The following SASH1 variants were observed in gnomAD, a reference collection of about 807,000 sequenced individuals.
SASH1 encodes the protein SAM and SH3 domain containing 1.
A neutral mutation model predicts 125.2 loss-of-function variants in SASH1; 44 were observed. The observed-to-expected ratio is 0.35, with a 90% CI of 0.28 to 0.45. The LOEUF is 0.45. Among genes scored for constraint, SASH1 ranks in the 20% least tolerant of loss-of-function variants. The pLI is 1.00. For missense variants in SASH1, 1,426 were observed against 1,614.5 expected (o/e 0.88, Z 2.00); for synonymous variants, 639 against 649.1 (o/e 0.98, Z 0.24).
chr6:148,498,240 A>C (rs1317054794), intron 8 of SASH1, among the ~76,000 whole-genome samples: 1 of 148,974 alleles, frequency 6.7e-6, no homozygotes, highest in Non-Finnish European at 1.5e-5. Flanking sequence ...CAAACAAAAA[A>C]AAAAAAACAA....
At chr6:148,434,352 G>A (rs866260779) in intron 2 of SASH1, among the ~76,000 whole-genome samples, 5 of 152,120 alleles carry the variant, frequency 3.3e-5, no homozygotes, top group Non-Finnish European at 7.4e-5. Flanking sequence ...TGGGATTACA[G>A]GCATGAGCCA....
chr6:148,423,272 C>T (rs11754081), intron 2 of SASH1, among the ~76,000 whole-genome samples: 20,058 of 152,266 alleles, frequency 0.13, 1,453 homozygotes, highest in South Asian at 0.3. Context: ...CATTATACAA[C>T]ATGACTAAGT....
chr6:148,375,297 A>G (rs1463712615), intron 1 of SASH1, among the ~76,000 whole-genome samples: 3 of 152,082 alleles, frequency 2.0e-5, no homozygotes. Context: ...TGGCCACAAC[A>G]TGATGTTGTG....
At chr6:148,470,566 C>T (rs940359480) in intron 5 of SASH1, among the ~76,000 whole-genome samples, 4 of 152,238 alleles carry the variant, frequency 2.6e-5, no homozygotes, top group African/African-American at 4.8e-5. Context: ...TCTCCCCTTT[C>T]GCTTTGCTTT....
At chr6:148,509,586 A>G (rs188648775) in intron 8 of SASH1, among the ~76,000 whole-genome samples, 2 of 152,272 alleles carry the variant, frequency 1.3e-5, no homozygotes, top group African/African-American at 4.8e-5. Context: ...AATTGGTTTT[A>G]ACCTTTATTA....
At chr6:148,349,241 CTTCT>C (rs1221031006) in intron 1 of SASH1, among the ~76,000 whole-genome samples, 1,725 of 86,958 alleles carry the variant, frequency 0.02, 65 homozygotes, top group East Asian at 0.089. Context: ...TTCATTCTTT[CTTCT>C]TTCTTTCTTT....
intron 1 of SASH1, among the ~76,000 whole-genome samples, chr6:148,292,772 C>G (rs538412262): frequency 6.6e-6 from 1 of 152,078 alleles, no homozygotes; most frequent in Non-Finnish European, 1.5e-5. Context: ...GAATCAGGGC[C>G]GGGAACAGTG....
At chr6:148,215,510 G>A in the SASH1 span, among the ~76,000 whole-genome samples, 1 of 152,112 alleles carries the variant, frequency 6.6e-6, no homozygotes, top group Non-Finnish European at 1.5e-5. Context: ...CTTCTGTTTG[G>A]GATGGGTGCT....
At chr6:148,242,960 C>A in the SASH1 span, among the ~76,000 whole-genome samples, 6 of 152,072 alleles carry the variant, frequency 3.9e-5, no homozygotes, top group East Asian at 1.2e-3. Context: ...TGGTATAAAT[C>A]CCATAGGTTG....
intron 1 of SASH1, among the ~76,000 whole-genome samples, chr6:148,348,932 C>G (rs1167142721): frequency 6.6e-6 from 1 of 152,226 alleles, no homozygotes; most frequent in East Asian, 1.9e-4. Context: ...CGGTAGGATC[C>G]CTTCACTCAG....
rs537849401 is a variant in SASH1, at chr6:148,317,356, G to T, written n.74+44979G>T. 7.9e-5 allele frequency among the ~76,000 whole-genome samples: 12 copies of T among 152,290 alleles called. No homozygotes were observed. In the South Asian group the frequency reaches 2.3e-3, roughly 29 times the overall value. On this transcript the variant is annotated intron_variant and non_coding_transcript_variant, in intron 1 of 3. Coordinates refer to the SASH1 transcript ENST00000367469. The stretch of plus-strand genomic sequence containing the variant: ...CCAGGAAAGTTAAACACTATGGGTG[G>T]ATCAAAAGAAGTGGTTCCTGAATAT...
At chr6:148,240,501 G>A in the SASH1 span, among the ~76,000 whole-genome samples, 1 of 152,182 alleles carries the variant, frequency 6.6e-6, no homozygotes. Flanking sequence ...TCCCCCTACA[G>A]TTATAATAAC....
Position 148,399,299 on chromosome 6 carries a change from C to T in SASH1, c.285+9037C>T, listed in dbSNP as rs138302722. ...GTGGCGTGATCTCGGCTCACTGGAA[C>T]CTCCACCTCCCGGGTTCAAGTGATT... On this transcript the variant is annotated intron_variant, in intron 2 of 19. Transcript: ENST00000367467. Among the ~76,000 whole-genome samples, 9 of 146,368 alleles carry T rather than the reference C, an allele frequency of 6.1e-5. No individual in the cohort carries two copies. In the East Asian group the frequency reaches 1.8e-3, roughly 30 times the overall value.
At chr6:148,357,129 T>G (rs547092421) in intron 1 of SASH1, among the ~76,000 whole-genome samples, 4 of 152,356 alleles carry the variant, frequency 2.6e-5, no homozygotes, top group Non-Finnish European at 5.9e-5. Context: ...TCCCACTCTG[T>G]GGGTTGTCTG....
At chr6:148,232,421 G>A in the SASH1 span, among the ~76,000 whole-genome samples, 1 of 152,302 alleles carries the variant, frequency 6.6e-6, no homozygotes, top group South Asian at 2.1e-4. Flanking sequence ...CCTTCTTCTA[G>A]GTGAGTCAAG....
intron 2 of SASH1, among the ~76,000 whole-genome samples, chr6:148,434,057 C>A (rs1216506647): frequency 1.4e-5 from 2 of 138,486 alleles, no homozygotes; most frequent in South Asian, 2.3e-4. Flanking sequence ...CATAGGGGAA[C>A]TGGAGATTTT....
chr6:148,527,681 C>G, intron 12 of SASH1, 85 bp downstream of exon 12: 1 of 1,312,814 alleles, frequency 7.6e-7, no homozygotes, highest in Non-Finnish European at 1.1e-6. Context: ...TTAAATGGTG[C>G]TAAATACACA....
the SASH1 span, among the ~76,000 whole-genome samples, chr6:148,258,217 T>G: frequency 6.6e-6 from 1 of 152,192 alleles, no homozygotes; most frequent in Non-Finnish European, 1.5e-5. Context: ...AGCTTTCCAT[T>G]TATTATGTGT....
At chr6:148,471,576 C>A in intron 6 of SASH1, 73 bp downstream of exon 6, 3 of 884,668 alleles carry the variant, frequency 3.4e-6, no homozygotes, top group East Asian at 2.5e-5. Flanking sequence ...CGGCTAATCT[C>A]AGTGGATGCT....
Sources: allele counts gnomAD v4.1 joint callset (sites outside exome capture counted in the v4.1 genomes callset), GRCh38; gene constraint gnomAD v4.1.1; transcripts MANE v1.5; gene names NCBI Gene and HGNC (gene_info 2026-07-23, HGNC 2026-07-21).